Variants in AZIN1 observed in about 807,000 individuals in gnomAD.
AZIN1 encodes the protein ornithine decarboxylase antizyme inhibitor.
Under a neutral mutation model 47.4 loss-of-function variants are expected in AZIN1, and 12 were observed. That is an observed-to-expected ratio of 0.25 (90% CI 0.16 to 0.41). AZIN1 has a LOEUF of 0.41. AZIN1 is among the 10% of genes least tolerant of loss of function. The pLI is 1.00. For missense variants in AZIN1, 410 were observed against 532.4 expected (o/e 0.77, Z 2.26); for synonymous variants, 155 against 176.3 (o/e 0.88, Z 0.96).
intron 3 of AZIN1, among the ~76,000 whole-genome samples, 182 bp from the exon 4 acceptor site, chr8:102,840,005 A>G (rs551294425): frequency 1.2e-4 from 19 of 152,360 alleles, no homozygotes; most frequent in Non-Finnish European, 2.8e-4. Context: ...GACTCTGAAT[A>G]CATTTGTTCT....
intron 11 of AZIN1, 116 bp downstream of exon 11, chr8:102,829,156 T>C (rs2131186552): frequency 1.1e-6 from 1 of 871,644 alleles, no homozygotes; most frequent in East Asian, 2.5e-5. Flanking sequence ...CTACACTGTA[T>C]AGGCAATACA....
chr8:102,832,492 G>C (rs1811521652), intron 9 of AZIN1, among the ~76,000 whole-genome samples: 1 of 152,120 alleles, frequency 6.6e-6, no homozygotes, highest in African/African-American at 2.4e-5. Flanking sequence ...TGTGAGGTAA[G>C]GAGAACAGAA....
chr8:102,846,375 T>G (rs1812569963), intron 2 of AZIN1, among the ~76,000 whole-genome samples: 1 of 152,236 alleles, frequency 6.6e-6, no homozygotes, highest in African/African-American at 2.4e-5. Flanking sequence ...CCATATAATT[T>G]CATAGGTTCA....
At chr8:102,858,812 T>C (rs1412944429) in intron 1 of AZIN1, among the ~76,000 whole-genome samples, 1 of 152,248 alleles carries the variant, frequency 6.6e-6, no homozygotes, top group Non-Finnish European at 1.5e-5. Flanking sequence ...ATTCATTCTA[T>C]TATCACCAGG....
intron 3 of AZIN1, 120 bp downstream of exon 3, chr8:102,843,431 G>A (rs1812351431): frequency 4.9e-6 from 4 of 810,588 alleles, no homozygotes; most frequent in Non-Finnish European, 7.8e-6. Context: ...GGAAGGTCAA[G>A]TTAAATCAGA....
intron 2 of AZIN1, among the ~76,000 whole-genome samples, chr8:102,844,289 A>G (rs1812414756): frequency 6.6e-6 from 1 of 152,026 alleles, no homozygotes; most frequent in South Asian, 2.1e-4. Flanking sequence ...GGTAGATTGC[A>G]TGAGCCTAGG....
chr8:102,849,537 GA>G (rs145145489), intron 2 of AZIN1, among the ~76,000 whole-genome samples: 3 of 148,530 alleles, frequency 2.0e-5, no homozygotes, highest in Non-Finnish European at 3.0e-5. Flanking sequence ...TATTAAACTT[GA>G]AAAAAAAACT....
At chr8:102,861,538 T>TA (rs1233882166) in intron 1 of AZIN1, among the ~76,000 whole-genome samples, 5 of 151,526 alleles carry the variant, frequency 3.3e-5, no homozygotes, top group Non-Finnish European at 5.9e-5. Flanking sequence ...AGTTTATTTT[T>TA]AAAAAAAACA....
intron 2 of AZIN1, 102 bp from the exon 3 acceptor site, chr8:102,843,849 G>C (rs75742611): frequency 3.8e-6 from 3 of 795,826 alleles, no homozygotes; most frequent in East Asian, 3.3e-5. Flanking sequence ...AGGAATTTAC[G>C]CAATTTTACA....
Position 102,828,608 on chromosome 8 carries a change from T to C in AZIN1, c.1306A>G (p.Ile436Val), listed in dbSNP as rs1729428123. 1 of 1,611,972 alleles carries C rather than the reference T, an allele frequency of 6.2e-7. No homozygotes were observed. The highest frequency in any genetic ancestry group is 2.2e-5 in the East Asian group (1 of 44,838). ...MKNFFFVPSC[I>V]QLSQEDSFSA... ...AAGCTGTCTTCTTGGCTCAGCTGAATGCAAGAAGGCACAAAGAAGAAGTTC... is the reference window on the plus strand; with the variant it reads ...AAGCTGTCTTCTTGGCTCAGCTGAACGCAAGAAGGCACAAAGAAGAAGTTC... The change falls in exon 12 of 12, where the codon ATT becomes GTT. Residue 436 changes from isoleucine (I) to valine (V), a missense_variant. Coordinates refer to ENST00000337198, the MANE Select transcript of AZIN1 (RefSeq NM_148174.4).
intron 6 of AZIN1, chr8:102,835,530 C>T (rs533084929): frequency 6.6e-6 from 1 of 152,306 alleles, no homozygotes; most frequent in East Asian, 1.9e-4. Flanking sequence ...CATCTGTAAT[C>T]CCACCACTTT....
rs1811658482 is a variant in AZIN1 at position 102,834,106 on chromosome 8, G to GT, written c.741+82dup. ...GTTATAGGGTTTAGTTTCTGCCATT[G>GT]TAAAAATCCTGCTCTACACATCCAC... On this transcript the variant is annotated intron_variant, in intron 8 of 11. Transcript: ENST00000337198. 53 of 1,134,414 alleles carry GT rather than the reference G, an allele frequency of 4.7e-5. 2 individuals are homozygous for GT. The South Asian group carries it at 7.0e-4, about 15-fold the overall frequency. The allele number at this position is 1,134,414 out of a possible 1,614,324, so 70.3% of individuals were successfully genotyped here. A position where few individuals can be genotyped will look rare whatever the true frequency, so the allele number is the denominator to read the frequency against.
chr8:102,855,471 T>C (rs930530787), intron 2 of AZIN1: 5 of 152,372 alleles, frequency 3.3e-5, no homozygotes, highest in African/African-American at 1.2e-4. Context: ...GTTTGCGTAC[T>C]ACATCATACA....
chr8:102,844,886 T>C (rs1812467022), intron 2 of AZIN1, among the ~76,000 whole-genome samples: 2 of 152,196 alleles, frequency 1.3e-5, no homozygotes, highest in Non-Finnish European at 2.9e-5. Flanking sequence ...GGAGCACTCA[T>C]TGTCCTAAGG....
chr8:102,861,044 T>C (rs895028546), intron 1 of AZIN1, among the ~76,000 whole-genome samples: 12 of 152,140 alleles, frequency 7.9e-5, no homozygotes, highest in East Asian at 1.9e-4. Context: ...AAAGAAAAAT[T>C]GGCGAAATCC....
At position 102,862,888 on chromosome 8, in the gene AZIN1, C is replaced by A. The variant is rs138896757; in HGVS notation, c.-234+919G>T. 7.5e-3 allele frequency among the ~76,000 whole-genome samples: 1,149 copies of A among 152,320 alleles called. 6 individuals carry two copies. The highest frequency in any genetic ancestry group is 0.02 in the Middle Eastern group (6 of 294). On this transcript the variant is annotated intron_variant, in intron 1 of 11. Coordinates refer to ENST00000337198, the MANE Select transcript of AZIN1 (RefSeq NM_148174.4). ...GTCTACGAAACACACATTCAGGATA[C>A]CGTGTAAGGGTTAGAACATGTTACC... is the stretch of plus-strand genomic sequence containing the variant.
chr8:102,836,197 A>G, intron 6 of AZIN1, 59 bp downstream of exon 6: 3 of 1,522,530 alleles, frequency 2.0e-6, no homozygotes, highest in Non-Finnish European at 2.7e-6. Flanking sequence ...CAATAACCAG[A>G]AAGACAGGTT....
At chr8:102,850,374 G>A (rs1812844749) in intron 2 of AZIN1, among the ~76,000 whole-genome samples, 1 of 152,150 alleles carries the variant, frequency 6.6e-6, no homozygotes, top group Non-Finnish European at 1.5e-5. Flanking sequence ...CCAGCTCACA[G>A]CTTTAAAAAT....
intron 2 of AZIN1, among the ~76,000 whole-genome samples, chr8:102,846,324 G>A (rs1205987081): frequency 6.6e-6 from 1 of 152,182 alleles, no homozygotes; most frequent in African/African-American, 2.4e-5. Flanking sequence ...ACAGTAGTAT[G>A]ATGATATGGA....
Sources: gnomAD v4.1 joint callset for allele counts (sites outside exome capture counted in the v4.1 genomes callset) on GRCh38, gnomAD v4.1.1 for gene constraint, MANE v1.5 for transcripts, NCBI Gene and HGNC (gene_info 2026-07-23, HGNC 2026-07-21) for gene names.